The following ERCC4 variants were observed in gnomAD, a reference collection of about 807,000 sequenced individuals.
ERCC4 encodes ERCC excision repair 4, endonuclease catalytic subunit, also known as DNA repair endonuclease XPF.
In ERCC4, 65 loss-of-function variants were observed where a neutral mutation model predicts 76.9. The observed-to-expected ratio is 0.84, with a 90% CI of 0.69 to 1.04. The LOEUF is 1.04. Among genes scored for constraint, ERCC4 ranks in the 50% least tolerant of loss-of-function variants. ERCC4 has a pLI of 0.00. For synonymous variants in ERCC4, 463 were observed against 410.1 expected (o/e 1.13, Z -1.56); for missense variants, 1,214 against 1,128.2 (o/e 1.08, Z -1.09).
rs3743538 is a variant in ERCC4, at chr16:13,948,831, G to T, written c.*484G>T. The T allele has an allele frequency of 0.36, 82,679 of 232,326 alleles. 15,111 individuals carry two copies. The highest frequency in any genetic ancestry group is 0.44 in the African/African-American group (19,982 of 45,294). 14.4% of individuals were successfully genotyped at this position (232,326 alleles called of 1,614,324 possible). A position where few individuals can be genotyped will look rare whatever the true frequency, so the allele number is the denominator to read the frequency against. ...CATGTCCTGTGGCTCTCCAAATCTGGTCTTTGCTGTTGTGTCTGCTGGACG... is the reference window on the plus strand; with the variant it reads ...CATGTCCTGTGGCTCTCCAAATCTGTTCTTTGCTGTTGTGTCTGCTGGACG... On this transcript the variant is annotated 3_prime_UTR_variant, in exon 11 of 11. Coordinates refer to ENST00000311895, the MANE Select transcript of ERCC4 (RefSeq NM_005236.3).
At position 13,944,838 on chromosome 16, in the gene ERCC4, G is replaced by A. The variant is rs1596634140; in HGVS notation, c.2017+3G>A. ...TTCCACTGACACTCGGAAAGCCGGT[G>A]AGTCCTGCACTTTGTCAGGCACCTC... is the stretch of plus-strand genomic sequence containing the variant. On this transcript the variant is annotated splice_donor_region_variant and intron_variant, in intron 10 of 10. Transcript: ENST00000311895. 1.3e-6 allele frequency: 2 copies of A among 1,586,978 alleles called. No homozygotes were observed. The highest frequency in any genetic ancestry group is 1.3e-5 in the African/African-American group (1 of 74,254).
In ERCC4 at chr16:13,920,790, G is replaced by A. The variant is rs1596617026; in HGVS notation, c.207+418G>A. On this transcript the variant is annotated intron_variant, in intron 1 of 10. Coordinates refer to ENST00000311895, the MANE Select transcript of ERCC4 (RefSeq NM_005236.3). ...TTCAAGAACACTAAGAGAAATGGGA[G>A]GGGTCCCCAGGGGATGCGGGTCCCT... 2.0e-5 allele frequency among the ~76,000 whole-genome samples: 3 copies of A among 152,264 alleles called. No individual in the cohort carries two copies. In the South Asian group the frequency reaches 6.2e-4, roughly 32 times the overall value.
At chr16:13,945,288 CCT>C (rs1400825671) in intron 10 of ERCC4, among the ~76,000 whole-genome samples, 1 of 152,150 alleles carries the variant, frequency 6.6e-6, no homozygotes, top group Non-Finnish European at 1.5e-5. Flanking sequence ...ATACACTCCT[CCT>C]CTCCTTCTGT....
At chr16:13,936,910 T>G (rs200131067) in intron 8 of ERCC4, among the ~76,000 whole-genome samples, 9 of 143,970 alleles carry the variant, frequency 6.3e-5, no homozygotes, top group South Asian at 2.2e-4. Flanking sequence ...TTTTTTTTTT[T>G]CCTTTTTTTT....
At chr16:13,945,046 G>A (rs987678718) in intron 10 of ERCC4, among the ~76,000 whole-genome samples, 3 of 152,188 alleles carry the variant, frequency 2.0e-5, no homozygotes, top group Non-Finnish European at 4.4e-5. Context: ...TGTCATCTGC[G>A]AATCATGTGA....
chr16:13,931,057 A>T, intron 5 of ERCC4, 167 bp downstream of exon 5: 1 of 638,754 alleles, frequency 1.6e-6, no homozygotes, highest in African/African-American at 1.8e-5. Flanking sequence ...ATTGATAGCT[A>T]ATGTTTCCGC....
At chr16:13,925,735 C>CT (rs1400783125) in intron 2 of ERCC4, among the ~76,000 whole-genome samples, 1 of 152,148 alleles carries the variant, frequency 6.6e-6, no homozygotes, top group Non-Finnish European at 1.5e-5. Flanking sequence ...ACAGACTCGT[C>CT]TTGGAGTAAT....
At chr16:13,921,047 G>C (rs2141938467) in intron 1 of ERCC4, among the ~76,000 whole-genome samples, 1 of 152,284 alleles carries the variant, frequency 6.6e-6, no homozygotes, top group Admixed American at 6.5e-5. Context: ...GGAGAGTCCT[G>C]AAGTTGGCCA....
chr16:13,920,282 C>T lies in ERCC4; in HGVS notation c.117C>T (p.Leu39=), dbSNP rs1226328093. The T allele has an allele frequency of 1.9e-6, 3 of 1,605,014 alleles. No individual in the cohort carries two copies. The highest frequency in any genetic ancestry group is 1.7e-5 in the Admixed American group (1 of 59,972). The change falls in exon 1 of 11, where the codon CTC becomes CTT. Residue 39 remains leucine, a synonymous_variant. Transcript: ENST00000311895. ...GGCTAGTAGTGTGCGCCCGCGGGCT[C>T]GGCGCGGACCGGCTCCTCTACCACT... ...TDGLVVCARG[L]GADRLLYHFL...
chr16:13,923,861 T>TA, intron 2 of ERCC4, among the ~76,000 whole-genome samples: 2 of 152,318 alleles, frequency 1.3e-5, no homozygotes, highest in Admixed American at 1.3e-4. Context: ...TAAATTGATT[T>TA]AAAAAAATTT....
intron 9 of ERCC4, chr16:13,944,049 A>G (rs996347298): frequency 1.3e-5 from 2 of 153,164 alleles, no homozygotes; most frequent in African/African-American, 4.8e-5. Context: ...AAGTACCTAG[A>G]GCACCACGCA....
rs372950439 is a variant in ERCC4, at chr16:13,935,330, C to G, written c.1398C>G (p.His466Gln). The G allele has an allele frequency of 1.2e-6, 2 of 1,613,296 alleles. No homozygotes were observed. The highest frequency in any genetic ancestry group is 1.3e-5 in the African/African-American group (1 of 74,766). ...GTTCAAAGAGAATTAGGAAATCTCA[C>G]AAAAGACCTAAAGACCCCCAAAACA... is the stretch of plus-strand genomic sequence containing the variant. ...EDSSKRIRKS[H>Q]KRPKDPQNKE... is the part of the protein sequence containing the mutation. Residue 466 changes from histidine to glutamine, a missense_variant, in exon 8 of 11, where the codon CAC becomes CAG. Coordinates refer to ENST00000311895, the MANE Select transcript of ERCC4 (RefSeq NM_005236.3).
At chr16:13,921,478 G>C (rs938986087) in intron 1 of ERCC4, among the ~76,000 whole-genome samples, 1 of 152,180 alleles carries the variant, frequency 6.6e-6, no homozygotes, top group Admixed American at 6.5e-5. Flanking sequence ...GATCCTGTTT[G>C]ATTCATCTAG....
rs772694607 is a variant in ERCC4, at chr16:13,950,121, C to T, written c.*1774C>T. On this transcript the variant is annotated 3_prime_UTR_variant, in exon 11 of 11. Transcript: ENST00000311895. The stretch of plus-strand genomic sequence containing the variant: ...GATTATAGGTGTGCACCACCAGACC[C>T]GGCTAATTTTTGTATTTTTAGTAGA... 40 of 187,794 alleles carry T rather than the reference C, an allele frequency of 2.1e-4. No homozygotes were observed. The highest frequency in any genetic ancestry group is 3.7e-4 in the Admixed American group (6 of 16,134). 11.6% of individuals were successfully genotyped at this position (187,794 alleles called of 1,614,324 possible).
At chr16:13,929,525 C>G (rs942527051) in intron 4 of ERCC4, among the ~76,000 whole-genome samples, 1 of 152,166 alleles carries the variant, frequency 6.6e-6, no homozygotes, top group Admixed American at 6.5e-5. Flanking sequence ...CTACAAATTT[C>G]TGATTAAAAA....
intron 2 of ERCC4, among the ~76,000 whole-genome samples, chr16:13,925,195 A>T (rs906778173): frequency 2.0e-5 from 3 of 152,240 alleles, no homozygotes; most frequent in Non-Finnish European, 1.5e-5. Flanking sequence ...GGGATGTAGT[A>T]TCAGTTCTCT....
intron 4 of ERCC4, among the ~76,000 whole-genome samples, chr16:13,929,353 A>G (rs2032128902): frequency 6.6e-6 from 1 of 152,224 alleles, no homozygotes; most frequent in South Asian, 2.1e-4. Flanking sequence ...TAGTCCCAGT[A>G]TCTACCTGTT....
At chr16:13,923,433 A>G (rs3136063) in intron 2 of ERCC4, among the ~76,000 whole-genome samples, 1,590 of 152,242 alleles carry the variant, frequency 0.01, 26 homozygotes, top group African/African-American at 0.036. Flanking sequence ...TCTTATTCCC[A>G]CTGTATCTGT....
Position 13,948,598 on chromosome 16 carries a change from G to T in ERCC4, c.*251G>T. 1 of 495,468 alleles carries T rather than the reference G, an allele frequency of 2.0e-6. No homozygotes were observed. Among genetic ancestry groups the T allele is most frequent in the Non-Finnish European group, 3.7e-6 (1 of 273,876 alleles). 30.7% of individuals were successfully genotyped at this position (495,468 alleles called of 1,614,324 possible). A position where few individuals can be genotyped will look rare whatever the true frequency, so the allele number is the denominator to read the frequency against. ...CTTAGCATGTTTCTTTTTAAATGAG[G>T]TTTGTCAGGATCAGGTAAAGTTCCT... On this transcript the variant is annotated 3_prime_UTR_variant, in exon 11 of 11. Coordinates refer to ENST00000311895, the MANE Select transcript of ERCC4 (RefSeq NM_005236.3).
Sources: gnomAD v4.1 joint callset for allele counts (sites outside exome capture counted in the v4.1 genomes callset) on GRCh38, gnomAD v4.1.1 for gene constraint, MANE v1.5 for transcripts, NCBI Gene and HGNC (gene_info 2026-07-23, HGNC 2026-07-21) for gene names.